RACGAP1: variants seen among roughly 807,000 people sequenced by gnomAD.
RACGAP1 encodes Rac GTPase activating protein 1, also known as rac GTPase-activating protein 1.
Under a neutral mutation model 78.1 loss-of-function variants are expected in RACGAP1, and 30 were observed. The ratio of observed to expected loss-of-function variants is 0.38; its 90% CI spans 0.29 to 0.52. The LOEUF is 0.52. Ranked by LOEUF, RACGAP1 falls within the 20% of genes least tolerant of loss-of-function variation. The probability of loss-of-function intolerance (pLI) is 0.82; values close to 1 mark genes in which losing one functional copy is unlikely to be tolerated. For synonymous variants in RACGAP1, 231 were observed against 264.8 expected (o/e 0.87, Z 1.24); for missense variants, 587 against 777.1 (o/e 0.76, Z 2.91).
intron 1 of RACGAP1, among the ~76,000 whole-genome samples, chr12:50,021,425 T>C (rs1369387188): frequency 6.6e-6 from 1 of 152,218 alleles, no homozygotes; most frequent in Non-Finnish European, 1.5e-5. Flanking sequence ...AATCTGTGAG[T>C]ATCCCTAAGG....
intron 15 of RACGAP1, among the ~76,000 whole-genome samples, chr12:49,991,237 C>T (rs12317479): frequency 0.064 from 9,628 of 151,546 alleles, 1,028 homozygotes; most frequent in African/African-American, 0.22. Context: ...TACCAAGACA[C>T]ATAAAAATGT....
chr12:50,018,602 T>A, intron 1 of RACGAP1: 1 of 1,267,570 alleles, frequency 7.9e-7, no homozygotes, highest in Non-Finnish European at 1.0e-6. Flanking sequence ...GAGGTAAAAA[T>A]GGAAGACTCT....
At position 50,009,606 on chromosome 12, in the gene RACGAP1, C is replaced by G. The variant is rs543350550; in HGVS notation, c.86-2970G>C. Among the ~76,000 whole-genome samples, 3 of 152,264 alleles carry G rather than the reference C, an allele frequency of 2.0e-5. No homozygotes were observed. In the East Asian group the frequency reaches 5.8e-4, roughly 29 times the overall value. ...ATCTCCAGTGTTGTAACCTGCCTAGCACACAGTAGACACTTGAAATAATCT... is the reference window on the plus strand; with the variant it reads ...ATCTCCAGTGTTGTAACCTGCCTAGGACACAGTAGACACTTGAAATAATCT... On this transcript the variant is annotated intron_variant, in intron 2 of 16. Coordinates refer to ENST00000312377, the MANE Select transcript of RACGAP1 (RefSeq NM_001319999.2).
intron 1 of RACGAP1, among the ~76,000 whole-genome samples, chr12:50,020,055 A>T (rs58424082): frequency 0.053 from 8,038 of 152,256 alleles, 688 homozygotes; most frequent in African/African-American, 0.18. Context: ...TAAATTCAGA[A>T]TTTTAGACCA....
rs781239684 is a variant in RACGAP1, at chr12:49,990,328, G to C, written c.1839C>G (p.Ser613Arg). 1.2e-6 allele frequency: 2 copies of C among 1,613,466 alleles called. No homozygotes were observed. Among genetic ancestry groups the C allele is most frequent in the Non-Finnish European group, 1.7e-6 (2 of 1,179,442 alleles). ...TKNTPRFGSK[S>R]KSATNLGRQG... ...GTCGTCCTAGGTTAGTGGCAGACTT[G>C]CTTTTGCTCCCAAATCTACAATAAA... Residue 613 changes from serine (S) to arginine (R), a missense_variant, in exon 17 of 17, where the codon AGC becomes AGG. Coordinates refer to ENST00000312377, the MANE Select transcript of RACGAP1 (RefSeq NM_001319999.2).
chr12:50,029,021 T>A (rs1188971298), upstream of RACGAP1, among the ~76,000 whole-genome samples: 2 of 151,660 alleles, frequency 1.3e-5, no homozygotes, highest in Admixed American at 6.6e-5. Flanking sequence ...ATCGAGACCA[T>A]CTTGGCCAAC....
chr12:50,017,931 C>T (rs189141011), intron 1 of RACGAP1, among the ~76,000 whole-genome samples: 7 of 152,058 alleles, frequency 4.6e-5, no homozygotes, highest in African/African-American at 1.2e-4. Flanking sequence ...CCCAGGCGGG[C>T]GGATCACTTG....
rs1172278725 is a variant in RACGAP1 at position 49,991,476 on chromosome 12, TATA to T, written c.1714+519_1714+521del. On this transcript the variant is annotated intron_variant, in intron 15 of 16. Transcript: ENST00000312377. ...AAACTATTATATATATATATATATA[TATA>T]TTTTTTTTTTTTTTTTTTTTTTTTT... 2.7e-3 allele frequency among the ~76,000 whole-genome samples: 104 copies of T among 38,678 alleles called. 1 individual carries two copies. Among genetic ancestry groups the T allele is most frequent in the African/African-American group, 6.8e-3 (92 of 13,540 alleles). 25.4% of individuals were successfully genotyped at this position (38,678 alleles called of 152,430 possible).
intron 1 of RACGAP1, among the ~76,000 whole-genome samples, chr12:50,020,468 G>A (rs1454899232): frequency 6.6e-6 from 1 of 152,026 alleles, no homozygotes; most frequent in Non-Finnish European, 1.5e-5. Context: ...ACAGGCGTGA[G>A]CCACCATGCC....
intron 8 of RACGAP1, 48 bp from the exon 9 acceptor site, chr12:49,999,319 C>T: frequency 6.4e-7 from 1 of 1,563,530 alleles, no homozygotes; most frequent in Non-Finnish European, 8.6e-7. Context: ...TATTTTGCTC[C>T]TTCTAAATTT....
intron 10 of RACGAP1, 125 bp from the exon 11 acceptor site, chr12:49,994,634 C>T (rs1291548381): frequency 3.6e-6 from 5 of 1,401,016 alleles, no homozygotes; most frequent in Admixed American, 5.6e-5. Flanking sequence ...TTTTACATTC[C>T]TATTCCCAAA....
chr12:49,998,536 C>T (rs1270744526), intron 9 of RACGAP1, among the ~76,000 whole-genome samples: 1 of 152,082 alleles, frequency 6.6e-6, no homozygotes, highest in African/African-American at 2.4e-5. Flanking sequence ...TAAAATGGTA[C>T]AAAAGCAAAA....
At chr12:49,999,868 G>A in intron 7 of RACGAP1, 135 bp from the exon 8 acceptor site, 1 of 665,860 alleles carries the variant, frequency 1.5e-6, no homozygotes, top group Non-Finnish European at 2.6e-6. Context: ...CTTTTTTTTT[G>A]AGACAGAGTT....
At chr12:49,990,882 C>T in intron 15 of RACGAP1, 90 bp from the exon 16 acceptor site, 4 of 909,748 alleles carry the variant, frequency 4.4e-6, no homozygotes, top group Non-Finnish European at 7.0e-6. Flanking sequence ...CCCTCTGAAG[C>T]ACTTAAGAGC....
intron 6 of RACGAP1, 105 bp downstream of exon 6, chr12:50,002,142 C>A: frequency 4.2e-6 from 3 of 717,018 alleles, no homozygotes; most frequent in Non-Finnish European, 7.0e-6. Flanking sequence ...ATGTGCTTAA[C>A]AATGGCTAGA....
chr12:50,019,767 A>G (rs918251164), intron 1 of RACGAP1: 4 of 151,728 alleles, frequency 2.6e-5, no homozygotes, highest in African/African-American at 9.7e-5. Flanking sequence ...ATCTACCAGT[A>G]GTATAATCTT....
intron 2 of RACGAP1, among the ~76,000 whole-genome samples, chr12:50,011,928 TG>T (rs545904915): frequency 4.5e-3 from 552 of 123,524 alleles, no homozygotes; most frequent in Middle Eastern, 8.1e-3. Context: ...TACTCCAGCC[TG>T]GGCGACAGAG....
chr12:50,025,499 A>T (rs1020734645), upstream of RACGAP1: 1 of 985,460 alleles, frequency 1.0e-6, no homozygotes, highest in Non-Finnish European at 1.2e-6. Flanking sequence ...GAAAACCTTC[A>T]CCAACCAATC....
intron 2 of RACGAP1, among the ~76,000 whole-genome samples, chr12:50,014,826 T>C (rs568788869): frequency 1.3e-5 from 2 of 151,910 alleles, no homozygotes; most frequent in South Asian, 4.2e-4. Flanking sequence ...GCTGATCACT[T>C]GAGGTCAGGA....
Sources: allele counts gnomAD v4.1 joint callset (sites outside exome capture counted in the v4.1 genomes callset), GRCh38; gene constraint gnomAD v4.1.1; transcripts MANE v1.5; gene names NCBI Gene and HGNC (gene_info 2026-07-23, HGNC 2026-07-21).